The following IDH3A variants were observed in gnomAD, a reference collection of about 807,000 sequenced individuals.
IDH3A encodes the protein isocitrate dehydrogenase (NAD(+)) 3 catalytic subunit alpha.
A neutral mutation model predicts 43.3 loss-of-function variants in IDH3A; 23 were observed. That is an observed-to-expected ratio of 0.53 (90% CI 0.38 to 0.75). The LOEUF is 0.75. Among genes scored for constraint, IDH3A ranks in the 30% least tolerant of loss-of-function variants. The pLI is 0.00. For missense variants in IDH3A, 329 were observed against 474.4 expected, an observed-to-expected ratio of 0.69 and a Z score of 2.85; for synonymous variants, 154 against 163.5, an observed-to-expected ratio of 0.94 and a Z score of 0.44.
chr15:78,157,501 A>C (rs771136295), intron 2 of IDH3A, 47 bp from the exon 3 acceptor site: 1 of 1,421,614 alleles, frequency 7.0e-7, no homozygotes, highest in South Asian at 1.2e-5. Context: ...TTAAGCCTTC[A>C]AAAACAAAAA....
rs1287021193 is a variant in IDH3A at position 78,166,148 on chromosome 15, A to AG, written c.865dup. ...GATGATGCTACTTTTCCCGATGTGT[A>AG]GGTTCATGGGACGGCTCCAGACATT... On this transcript the variant is annotated splice_acceptor_variant, in intron 9 of 10. Coordinates refer to ENST00000299518, the MANE Select transcript of IDH3A (RefSeq NM_005530.3). LOFTEE classifies it high-confidence loss of function. 6.2e-7 allele frequency: 1 copy of AG among 1,613,254 alleles called. No individual in the cohort carries two copies. Among genetic ancestry groups the AG allele is most frequent in the Non-Finnish European group, 8.5e-7 (1 of 1,179,322 alleles).
Position 78,169,111 on chromosome 15 carries a change from GT to G in IDH3A, c.*107del. 3.1e-6 allele frequency: 2 copies of G among 638,492 alleles called. No homozygotes were observed. 39.6% of individuals were successfully genotyped at this position (638,492 alleles called of 1,614,324 possible). On this transcript the variant is annotated 3_prime_UTR_variant, in exon 11 of 11. Coordinates refer to ENST00000299518, the MANE Select transcript of IDH3A (RefSeq NM_005530.3). ...GCATTGGTTTGCTTGTTTCTTGACA[GT>G]ACATTTTTAGATCTGGCCTTTTCTT...
intron 3 of IDH3A, 152 bp downstream of exon 3, chr15:78,157,783 T>A: frequency 1.8e-6 from 1 of 569,228 alleles, no homozygotes; most frequent in Non-Finnish European, 3.1e-6. Context: ...ACTTTAACAG[T>A]GTGTGTCTCA....
intron 9 of IDH3A, 57 bp from the exon 10 acceptor site, chr15:78,166,093 A>G: frequency 6.5e-7 from 1 of 1,537,996 alleles, no homozygotes; most frequent in Non-Finnish European, 9.0e-7. Context: ...GCTTCCCCAG[A>G]AGAGGACTGT....
intron 10 of IDH3A, 31 bp from the exon 11 acceptor site, chr15:78,168,891 A>G: frequency 6.9e-7 from 1 of 1,453,238 alleles, no homozygotes; most frequent in South Asian, 1.2e-5. Context: ...TTGCGGATAC[A>G]TCTTTTATTT....
At chr15:78,157,343 G>C (rs2074631363) in intron 2 of IDH3A, 1 of 562,766 alleles carries the variant, frequency 1.8e-6, no homozygotes, top group African/African-American at 2.2e-5. Flanking sequence ...TCTGAACTCA[G>C]GTAAAGAGTA....
Position 78,166,303 on chromosome 15 carries a change from G to A in IDH3A, c.1017+1G>A, listed in dbSNP as rs1243511123. 6.2e-7 allele frequency: 1 copy of A among 1,614,046 alleles called. No individual in the cohort carries two copies. Among genetic ancestry groups the A allele is most frequent in the South Asian group, 1.1e-5 (1 of 91,090 alleles). On this transcript the variant is annotated splice_donor_variant, in intron 10 of 10. Coordinates refer to ENST00000299518, the MANE Select transcript of IDH3A (RefSeq NM_005530.3). LOFTEE classifies it high-confidence loss of function. ...TTTTGCTACAATTAAGGACGGAAAG[G>A]TAACAGGAATCTTGATTTACTTGTG...
Position 78,170,359 on chromosome 15 carries a change from G to A in IDH3A, c.*1354G>A, listed in dbSNP as rs998239897. ...GCAAAATGTACCCAGGTCACAAGGG[G>A]ATTTTTTTTTTTTTAGCAATGATAT... On this transcript the variant is annotated 3_prime_UTR_variant, in exon 11 of 11. Transcript: ENST00000299518. The A allele has an allele frequency of 6.6e-6, 1 of 151,512 alleles. No individual in the cohort carries two copies. Among genetic ancestry groups the A allele is most frequent in the African/African-American group, 2.4e-5 (1 of 41,242 alleles). The allele number at this position is 151,512 out of a possible 1,614,324, so 9.4% of individuals were successfully genotyped here.
chr15:78,155,180 G>A, intron 1 of IDH3A, 33 bp from the exon 2 acceptor site: 1 of 1,519,842 alleles, frequency 6.6e-7, no homozygotes, highest in South Asian at 1.1e-5. Flanking sequence ...GTTTAATTCT[G>A]TGTGTGATAT....
intron 7 of IDH3A, 23 bp from the exon 8 acceptor site, chr15:78,163,693 A>G: frequency 1.2e-6 from 2 of 1,605,940 alleles, no homozygotes; most frequent in Non-Finnish European, 1.7e-6. Flanking sequence ...TGATTACTAA[A>G]TGCACAAATG....
chr15:78,171,707 G>A lies in IDH3A; in HGVS notation c.*2702G>A. ...CTCCTGGTATTCATATGGCTTGTGT[G>A]TAGTCTCCTGTGTTATACCACTGGT... On this transcript the variant is annotated 3_prime_UTR_variant, in exon 11 of 11. Coordinates refer to ENST00000299518, the MANE Select transcript of IDH3A (RefSeq NM_005530.3). 3.5e-6 allele frequency: 2 copies of A among 565,218 alleles called. No homozygotes were observed. Among genetic ancestry groups the A allele is most frequent in the Non-Finnish European group, 6.4e-6 (2 of 313,824 alleles). The allele number at this position is 565,218 out of a possible 1,614,324, so 35.0% of individuals were successfully genotyped here. A position where few individuals can be genotyped will look rare whatever the true frequency, so the allele number is the denominator to read the frequency against.
chr15:78,163,862 A>G, intron 8 of IDH3A, 82 bp downstream of exon 8: 2 of 878,748 alleles, frequency 2.3e-6, no homozygotes, highest in Non-Finnish European at 3.8e-6. Flanking sequence ...AACATTTTCA[A>G]TTGAGTATTG....
intron 3 of IDH3A, 129 bp downstream of exon 3, chr15:78,157,760 T>C: frequency 1.6e-6 from 1 of 609,710 alleles, no homozygotes; most frequent in South Asian, 2.1e-5. Flanking sequence ...GTTGTTAATC[T>C]CCACCGATTG....
Position 78,161,670 on chromosome 15 carries a change from T to C in IDH3A, c.379T>C (p.Cys127Arg), listed in dbSNP as rs2074682547. 6.2e-7 allele frequency: 1 copy of C among 1,614,168 alleles called. No homozygotes were observed. The highest frequency in any genetic ancestry group is 8.5e-7 in the Non-Finnish European group (1 of 1,179,998). ...TGACCTTTACGCGAATGTCCGACCA[T>C]GTGTCTCTATCGAAGGCTATAAAAC... ...TFDLYANVRP[C>R]VSIEGYKTPY... The change falls in exon 5 of 11, where the codon TGT (cysteine) becomes CGT (arginine). Residue 127 changes from cysteine to arginine, a missense_variant. This residue lies in a region of IDH3A where 212 missense variants were observed against 345.5 expected (regional missense o/e 0.61). Coordinates refer to ENST00000299518, the MANE Select transcript of IDH3A (RefSeq NM_005530.3). The surrounding 1 kb of genome is among the most constrained non-coding windows in gnomAD (Gnocchi z 4.8).
In IDH3A at chr15:78,166,207, C is replaced by T. The variant is rs749678169; in HGVS notation, c.922C>T (p.Leu308=). 1 of 1,614,100 alleles carries T rather than the reference C, an allele frequency of 6.2e-7. No homozygotes were observed. The highest frequency in any genetic ancestry group is 8.5e-7 in the Non-Finnish European group (1 of 1,179,932). ...GKDMANPTAL[L]LSAVMMLRHM... ...GGACATGGCGAATCCCACAGCCCTC[C>T]TGCTCAGTGCCGTGATGATGCTGCG... Residue 308 remains leucine (L), a synonymous_variant, in exon 10 of 11, where the codon CTG becomes TTG. Transcript: ENST00000299518.
At chr15:78,164,842 A>G (rs1173209613) in intron 8 of IDH3A, 150 bp from the exon 9 acceptor site, 8 of 629,668 alleles carry the variant, frequency 1.3e-5, no homozygotes, top group Non-Finnish European at 2.2e-5. Context: ...GCTCATCTGT[A>G]TTTTCCTAAC....
chr15:78,166,323 C>T, intron 10 of IDH3A, 21 bp downstream of exon 10: 1 of 1,612,042 alleles, frequency 6.2e-7, no homozygotes, highest in South Asian at 1.1e-5. Flanking sequence ...TCTTGATTTA[C>T]TTGTGCTGGG....
chr15:78,165,185 C>A, intron 9 of IDH3A, 109 bp downstream of exon 9: 4 of 700,308 alleles, frequency 5.7e-6, no homozygotes, highest in Non-Finnish European at 5.0e-6. Flanking sequence ...ATTGTCAAAA[C>A]AAAATGATGC....
rs1352297802 is a variant in IDH3A, at chr15:78,157,660, G to A, written c.174+29G>A. On this transcript the variant is annotated intron_variant, in intron 3 of 10. Transcript: ENST00000299518. The stretch of plus-strand genomic sequence containing the variant: ...AGTGGGCTTAAAAAATACATTTAAT[G>A]ATGACTCACTGAAAAGTTTTCTTAG... 3.4e-6 allele frequency: 5 copies of A among 1,489,764 alleles called. No homozygotes were observed. The South Asian group carries it at 4.6e-5, about 14-fold the overall frequency. The allele number at this position is 1,489,764 out of a possible 1,614,324, so 92.3% of individuals were successfully genotyped here. A position where few individuals can be genotyped will look rare whatever the true frequency, so the allele number is the denominator to read the frequency against.
Sources: gnomAD v4.1 joint callset for allele counts on GRCh38, gnomAD v4.1.1 for gene constraint, gnomAD v4.1.1 regional missense constraint, Gnocchi (gnomAD v3.1) non-coding constraint, MANE v1.5 for transcripts, NCBI Gene and HGNC (gene_info 2026-07-23, HGNC 2026-07-21) for gene names.